The following HMCN1 variants were observed in gnomAD, a reference collection of about 807,000 sequenced individuals.
The protein encoded by HMCN1 is hemicentin-1.
Under a neutral mutation model 625.9 loss-of-function variants are expected in HMCN1, and 321 were observed. The ratio of observed to expected loss-of-function variants is 0.51; its 90% CI spans 0.47 to 0.56. The LOEUF is 0.56. Ranked by LOEUF, HMCN1 falls within the 20% of genes least tolerant of loss-of-function variation. The pLI, the probability that HMCN1 is intolerant of heterozygous loss-of-function variation, is 0.00. For missense variants in HMCN1, 6,588 were observed against 6,887.3 expected (o/e 0.96, Z 1.54); for synonymous variants, 2,425 against 2,417.6 (o/e 1.00, Z -0.09).
rs1653685911 is a variant in HMCN1 at position 186,190,850 on chromosome 1, C to G, written c.*972C>G. 1 of 188,934 alleles carries G rather than the reference C, an allele frequency of 5.3e-6. No homozygotes were observed. Among genetic ancestry groups the G allele is most frequent in the Admixed American group, 6.2e-5 (1 of 16,220 alleles). The allele number at this position is 188,934 out of a possible 1,614,324, so 11.7% of individuals were successfully genotyped here. A position where few individuals can be genotyped will look rare whatever the true frequency, so the allele number is the denominator to read the frequency against. On this transcript the variant is annotated 3_prime_UTR_variant, in exon 107 of 107. Transcript: ENST00000271588. ...TATATATTACCTTAGTGTGCATTTT[C>G]TATATAATATCTTGATGGACTCTTT...
At chr1:186,042,877 T>A (rs910553320) in intron 40 of HMCN1, among the ~76,000 whole-genome samples, 2 of 152,098 alleles carry the variant, frequency 1.3e-5, no homozygotes, top group Non-Finnish European at 2.9e-5. Context: ...CCTTCAGATT[T>A]ACATTGTGGG....
chr1:185,946,002 G>A (rs1478662984), intron 11 of HMCN1, among the ~76,000 whole-genome samples: 1 of 152,144 alleles, frequency 6.6e-6, no homozygotes, highest in African/African-American at 2.4e-5. Flanking sequence ...GGAAGAAAAG[G>A]CTAAAAGCAT....
intron 1 of HMCN1, among the ~76,000 whole-genome samples, chr1:185,767,193 G>A (rs1353314231): frequency 2.0e-5 from 3 of 151,932 alleles, no homozygotes; most frequent in Admixed American, 6.6e-5. Context: ...CTAGATTGTC[G>A]ATATATAAAG....
chr1:185,956,544 CACCATCCTCCAGGA>C (rs1334025763), intron 11 of HMCN1, among the ~76,000 whole-genome samples: 2 of 152,230 alleles, frequency 1.3e-5, no homozygotes, highest in African/African-American at 4.8e-5. Context: ...CAGAGCTTCA[CACCATCCTCCAGGA>C]ACCTCTATGT....
chr1:185,759,302 T>C (rs1655334255), intron 1 of HMCN1, among the ~76,000 whole-genome samples: 1 of 152,204 alleles, frequency 6.6e-6, no homozygotes, highest in African/African-American at 2.4e-5. Context: ...TGAACTTTGC[T>C]TCTCTCACTG....
At chr1:185,762,598 A>G (rs919132093) in intron 1 of HMCN1, among the ~76,000 whole-genome samples, 1 of 152,190 alleles carries the variant, frequency 6.6e-6, no homozygotes, top group African/African-American at 2.4e-5. Flanking sequence ...AATTTTACCC[A>G]TCTTAGTGAT....
chr1:186,088,413 C>A, intron 62 of HMCN1, 137 bp downstream of exon 62: 2 of 1,430,666 alleles, frequency 1.4e-6, no homozygotes, highest in Non-Finnish European at 1.9e-6. Flanking sequence ...CACTGAAATA[C>A]AGATTTACAA....
At chr1:185,782,999 T>C (rs1657256308) in intron 1 of HMCN1, among the ~76,000 whole-genome samples, 1 of 152,266 alleles carries the variant, frequency 6.6e-6, no homozygotes, top group Non-Finnish European at 1.5e-5. Context: ...GACGCACATT[T>C]GGTCTTTTCA....
chr1:185,919,214 T>C (rs1387590373), intron 6 of HMCN1, among the ~76,000 whole-genome samples: 1 of 152,102 alleles, frequency 6.6e-6, no homozygotes, highest in African/African-American at 2.4e-5. Flanking sequence ...AGCTTAATTT[T>C]CTTTGCCCCT....
intron 69 of HMCN1, among the ~76,000 whole-genome samples, chr1:186,104,905 A>G (rs1339391475): frequency 2.6e-5 from 4 of 152,370 alleles, no homozygotes; most frequent in South Asian, 2.1e-4. Flanking sequence ...AGTAGGCAAA[A>G]GAATTTGTGA....
intron 36 of HMCN1, among the ~76,000 whole-genome samples, chr1:186,032,403 T>C (rs905973703): frequency 2.0e-5 from 3 of 152,126 alleles, no homozygotes; most frequent in African/African-American, 7.2e-5. Flanking sequence ...GGTTTGGCTG[T>C]GTACCCACCC....
intron 6 of HMCN1, among the ~76,000 whole-genome samples, chr1:185,916,400 A>G (rs1056729581): frequency 6.6e-6 from 1 of 152,062 alleles, no homozygotes; most frequent in Non-Finnish European, 1.5e-5. Flanking sequence ...AAAGTGGGGG[A>G]AAATAGTGGC....
intron 89 of HMCN1, among the ~76,000 whole-genome samples, chr1:186,143,792 G>T (rs1452564333): frequency 6.6e-5 from 10 of 152,150 alleles, no homozygotes; most frequent in Admixed American, 3.3e-4. Context: ...ATACAGCCTT[G>T]TTCCCAAGCT....
intron 11 of HMCN1, among the ~76,000 whole-genome samples, chr1:185,954,165 A>T (rs756473285): frequency 9.3e-4 from 141 of 152,278 alleles, no homozygotes; most frequent in Admixed American, 2.8e-3. Context: ...GGAGTATATA[A>T]GTGCAAGTCA....
At chr1:186,169,639 T>G (rs1652097278) in intron 100 of HMCN1, among the ~76,000 whole-genome samples, 1 of 152,100 alleles carries the variant, frequency 6.6e-6, no homozygotes, top group Non-Finnish European at 1.5e-5. Flanking sequence ...TGCAGAAAAC[T>G]AAAACTGGAC....
At chr1:186,036,628 T>C (rs1655844225) in intron 36 of HMCN1, among the ~76,000 whole-genome samples, 1 of 151,866 alleles carries the variant, frequency 6.6e-6, no homozygotes, top group Non-Finnish European at 1.5e-5. Context: ...TTCGCTCTTG[T>C]TGCCCAGGCT....
rs1266794350 is a variant in HMCN1, at chr1:185,734,474, C to T, written c.-306C>T. The stretch of plus-strand genomic sequence containing the variant: ...GGCGCCGCAGGCTCAGAGCTGCCCC[C>T]GGGGCATGGACCCGACGCGCCGCCC... On this transcript the variant is annotated 5_prime_UTR_variant, in exon 1 of 107. Transcript: ENST00000271588. 1.1e-5 allele frequency: 4 copies of T among 348,218 alleles called. No individual in the cohort carries two copies. Among genetic ancestry groups the T allele is most frequent in the Admixed American group, 4.5e-5 (1 of 22,296 alleles). The allele number at this position is 348,218 out of a possible 1,614,324, so 21.6% of individuals were successfully genotyped here.
chr1:186,119,096 G>A (rs1661268687), intron 77 of HMCN1, 95 bp from the exon 78 acceptor site: 1 of 860,234 alleles, frequency 1.2e-6, no homozygotes, highest in Non-Finnish European at 2.0e-6. Flanking sequence ...GCACCACCAT[G>A]CTATTTGCAG....
intron 22 of HMCN1, among the ~76,000 whole-genome samples, chr1:185,992,549 A>C (rs1292006008): frequency 6.6e-6 from 1 of 152,150 alleles, no homozygotes; most frequent in Non-Finnish European, 1.5e-5. Context: ...CTCTGATGTT[A>C]CATATTACAT....
Sources: allele counts gnomAD v4.1 joint callset (sites outside exome capture counted in the v4.1 genomes callset), GRCh38; gene constraint gnomAD v4.1.1; transcripts MANE v1.5; gene names NCBI Gene and HGNC (gene_info 2026-07-23, HGNC 2026-07-21).